GRM7: variants seen among roughly 807,000 people sequenced by gnomAD.
GRM7 encodes metabotropic glutamate receptor 7.
In GRM7, 35 loss-of-function variants were observed where a neutral mutation model predicts 84.5. The observed-to-expected ratio is 0.41, with a 90% CI of 0.32 to 0.55. The LOEUF (loss-of-function observed/expected upper bound fraction) is 0.55, where lower values mean the gene tolerates loss of function less well. Among genes scored for constraint, GRM7 ranks in the 20% least tolerant of loss-of-function variants. The pLI, the probability that GRM7 is intolerant of heterozygous loss-of-function variation, is 0.19. For synonymous variants in GRM7, 487 were observed against 455.1 expected, an observed-to-expected ratio of 1.07 and a Z score of -0.89; for missense variants, 1,003 against 1,194.6, an observed-to-expected ratio of 0.84 and a Z score of 2.36.
At chr3:7,278,040 T>C (rs1442429298) in intron 2 of GRM7, among the ~76,000 whole-genome samples, 1 of 152,060 alleles carries the variant, frequency 6.6e-6, no homozygotes, top group Non-Finnish European at 1.5e-5. Context: ...TGCGGTTGAA[T>C]ATTATATTAA....
intron 2 of GRM7, among the ~76,000 whole-genome samples, chr3:7,148,222 T>C (rs562369942): frequency 6.6e-6 from 1 of 152,326 alleles, no homozygotes; most frequent in Non-Finnish European, 1.5e-5. Context: ...CTTTCTTTGT[T>C]TTTCTGAATC....
chr3:7,093,202 T>G (rs1018180143), intron 1 of GRM7, among the ~76,000 whole-genome samples: 1 of 152,012 alleles, frequency 6.6e-6, no homozygotes, highest in Non-Finnish European at 1.5e-5. Flanking sequence ...AATTAAAATA[T>G]GTACTTTAAA....
intron 7 of GRM7, among the ~76,000 whole-genome samples, chr3:7,477,712 T>C (rs1157755324): frequency 6.6e-6 from 1 of 152,210 alleles, no homozygotes; most frequent in East Asian, 1.9e-4. Flanking sequence ...AAATATGTCT[T>C]TTGAAATATC....
At chr3:7,552,054 T>A (rs572441358) in intron 7 of GRM7, among the ~76,000 whole-genome samples, 4 of 152,192 alleles carry the variant, frequency 2.6e-5, no homozygotes, top group Admixed American at 1.3e-4. Context: ...GAGAACAGCA[T>A]GGGAGAAACC....
intron 2 of GRM7, among the ~76,000 whole-genome samples, chr3:7,265,955 T>C (rs957724061): frequency 3.3e-5 from 5 of 152,156 alleles, no homozygotes; most frequent in Non-Finnish European, 5.9e-5. Context: ...CTGATGCTTC[T>C]TTGAGAGCTC....
At position 7,740,421 on chromosome 3, in the gene GRM7, TG is replaced by T; in HGVS notation, c.*17del. ...TGGTTATCTAACCTGTTCCATTCCATGGAACCATGGAGGAGGAAGACCCTCA... is the reference window on the plus strand; with the variant it reads ...TGGTTATCTAACCTGTTCCATTCCATGAACCATGGAGGAGGAAGACCCTCA... On this transcript the variant is annotated 3_prime_UTR_variant, in exon 10 of 10. Transcript: ENST00000357716. 6.9e-7 allele frequency: 1 copy of T among 1,456,862 alleles called. No individual in the cohort carries two copies. The highest frequency in any genetic ancestry group is 9.5e-7 in the Non-Finnish European group (1 of 1,056,296). The allele number at this position is 1,456,862 out of a possible 1,614,324, so 90.2% of individuals were successfully genotyped here. A position where few individuals can be genotyped will look rare whatever the true frequency, so the allele number is the denominator to read the frequency against.
chr3:7,377,316 G>A (rs1694393533), intron 4 of GRM7, among the ~76,000 whole-genome samples: 1 of 152,150 alleles, frequency 6.6e-6, no homozygotes, highest in African/African-American at 2.4e-5. Context: ...CTGAACTAAG[G>A]GTAACTCTGA....
At chr3:7,308,390 T>G (rs998178216) in intron 4 of GRM7, among the ~76,000 whole-genome samples, 3 of 152,142 alleles carry the variant, frequency 2.0e-5, no homozygotes, top group African/African-American at 7.2e-5. Context: ...TCTTTACTTG[T>G]CTCTGTCTAG....
intron 2 of GRM7, among the ~76,000 whole-genome samples, chr3:7,148,560 G>T (rs1482848208): frequency 6.6e-6 from 1 of 152,082 alleles, no homozygotes; most frequent in Non-Finnish European, 1.5e-5. Context: ...TGTTTGCTCT[G>T]GGTCTTTATA....
intron 2 of GRM7, among the ~76,000 whole-genome samples, chr3:7,230,900 T>C (rs1697172803): frequency 6.6e-6 from 1 of 152,090 alleles, no homozygotes; most frequent in Non-Finnish European, 1.5e-5. Context: ...GCAGGTTGAG[T>C]GGGAAGATAA....
intron 1 of GRM7, among the ~76,000 whole-genome samples, chr3:6,933,736 T>TAAAAAAAAAAAAAAAAAAAAAAAAA (rs371242200): frequency 7.1e-6 from 1 of 140,404 alleles, no homozygotes; most frequent in Non-Finnish European, 1.6e-5. Flanking sequence ...AAAAGAAAAT[T>TAAAAAAAAAAAAAAAAAAAAAAAAA]AAAAAAAAAA....
At chr3:7,697,399 G>C (rs965834410) in intron 9 of GRM7, among the ~76,000 whole-genome samples, 3 of 152,098 alleles carry the variant, frequency 2.0e-5, no homozygotes. Flanking sequence ...AAGGCTCAGA[G>C]AGGCTAAGAA....
Position 7,680,132 on chromosome 3 carries a change from G to A in GRM7, c.2535G>A (p.Val845=), listed in dbSNP as rs1700304786. The A allele has an allele frequency of 6.2e-7, 1 of 1,614,102 alleles. No homozygotes were observed. The highest frequency in any genetic ancestry group is 8.5e-7 in the Non-Finnish European group (1 of 1,179,986). Residue 845 remains valine (V), a synonymous_variant, in exon 9 of 10, where the codon GTG becomes GTA. Coordinates refer to ENST00000357716, the MANE Select transcript of GRM7 (RefSeq NM_000844.4). ...VALGMLYMPK[V]YIIIFHPELN... is the part of the protein sequence containing the mutation. ...TGGGGATGCTATACATGCCGAAAGT[G>A]TACATCATCATTTTCCACCCTGAAC...
intron 1 of GRM7, among the ~76,000 whole-genome samples, chr3:6,916,053 G>A (rs989862013): frequency 1.3e-5 from 2 of 152,180 alleles, no homozygotes; most frequent in Non-Finnish European, 2.9e-5. Context: ...TATCTTTGTT[G>A]ATGTTGCAGC....
chr3:6,965,525 G>A (rs756439209), intron 1 of GRM7, among the ~76,000 whole-genome samples: 1 of 151,620 alleles, frequency 6.6e-6, no homozygotes, highest in African/African-American at 2.4e-5. Context: ...GTAGAGATGG[G>A]GGTCTCACTA....
At chr3:7,360,510 T>C (rs551506636) in intron 4 of GRM7, among the ~76,000 whole-genome samples, 1 of 152,222 alleles carries the variant, frequency 6.6e-6, no homozygotes, top group East Asian at 1.9e-4. Context: ...ACGGTATTTT[T>C]TGGTTGTAGA....
chr3:7,378,320 A>G (rs1694444620), intron 4 of GRM7, among the ~76,000 whole-genome samples: 1 of 152,242 alleles, frequency 6.6e-6, no homozygotes, highest in Non-Finnish European at 1.5e-5. Flanking sequence ...AAAAATAAAG[A>G]AACACTGATG....
chr3:7,558,295 T>C (rs868383777), intron 7 of GRM7, among the ~76,000 whole-genome samples: 3 of 152,222 alleles, frequency 2.0e-5, no homozygotes, highest in Admixed American at 2.0e-4. Flanking sequence ...ATACCTGGCA[T>C]AGAGTGGATG....
At chr3:7,304,842 CCT>C (rs1382792792) in intron 3 of GRM7, among the ~76,000 whole-genome samples, 144 of 152,230 alleles carry the variant, frequency 9.5e-4, no homozygotes, top group African/African-American at 3.2e-3. Flanking sequence ...CTCTGCTCCA[CCT>C]CACACATTTC....
Sources: allele counts gnomAD v4.1 joint callset (sites outside exome capture counted in the v4.1 genomes callset), GRCh38; gene constraint gnomAD v4.1.1; transcripts MANE v1.5; gene names NCBI Gene and HGNC (gene_info 2026-07-23, HGNC 2026-07-21).